Variants in SGCD observed in about 807,000 individuals in gnomAD.
SGCD encodes sarcoglycan delta, also known as delta-sarcoglycan.
A neutral mutation model predicts 36.6 loss-of-function variants in SGCD; 18 were observed. The observed-to-expected ratio is 0.49, with a 90% CI of 0.34 to 0.73. The LOEUF (loss-of-function observed/expected upper bound fraction) is 0.73. SGCD is among the 30% of genes least tolerant of loss of function. The pLI is 0.01. For missense variants in SGCD, 387 were observed against 346.7 expected (o/e 1.12, Z -0.92); for synonymous variants, 133 against 130.6 (o/e 1.02, Z -0.12).
chr5:155,822,644 C>T, the SGCD span, among the ~76,000 whole-genome samples: 1 of 152,200 alleles, frequency 6.6e-6, no homozygotes, highest in Non-Finnish European at 1.5e-5. Context: ...TTCTTCTTAA[C>T]TGCAGAGTTG....
At chr5:155,778,368 C>T in the SGCD span, among the ~76,000 whole-genome samples, 1 of 152,154 alleles carries the variant, frequency 6.6e-6, no homozygotes, top group Non-Finnish European at 1.5e-5. Flanking sequence ...ATATCGACTG[C>T]ATTACCACAA....
chr5:156,609,119 G>T (rs2113451351), intron 6 of SGCD, among the ~76,000 whole-genome samples: 1 of 152,084 alleles, frequency 6.6e-6, no homozygotes, highest in East Asian at 1.9e-4. Flanking sequence ...CTCATTAGTT[G>T]ATGCAGTTTC....
At chr5:156,605,861 C>G (rs1037804042) in intron 6 of SGCD, among the ~76,000 whole-genome samples, 3 of 152,188 alleles carry the variant, frequency 2.0e-5, no homozygotes, top group Non-Finnish European at 2.9e-5. Context: ...TGAGAAGTGT[C>G]TGTTCATATC....
At chr5:156,360,444 C>T (rs1457791597) in intron 3 of SGCD, among the ~76,000 whole-genome samples, 1 of 152,044 alleles carries the variant, frequency 6.6e-6, no homozygotes, top group African/African-American at 2.4e-5. Flanking sequence ...GATGGGGTTT[C>T]ACCATGTTGG....
chr5:155,828,840 C>T, the SGCD span, among the ~76,000 whole-genome samples: 3 of 152,046 alleles, frequency 2.0e-5, no homozygotes, highest in East Asian at 3.9e-4. Context: ...GCATGTGCCA[C>T]CATGCCCAGC....
rs182500459 is a variant in SGCD at position 156,094,540 on chromosome 5, C to T, written c.-281-23338C>T. On this transcript the variant is annotated intron_variant, in intron 1 of 9. Coordinates refer to the SGCD transcript ENST00000517913. ...ATTTTAGCTGGATTAGGGTCCAATA[C>T]TGGGTACTTTCTTTCAGAAGCCAAA... Among the ~76,000 whole-genome samples, 287 of 152,290 alleles carry T rather than the reference C, an allele frequency of 1.9e-3. 2 individuals are homozygous for T. Among genetic ancestry groups the T allele is most frequent in the African/African-American group, 6.6e-3 (273 of 41,568 alleles).
chr5:156,456,796 A>AT (rs1479560395), intron 3 of SGCD, among the ~76,000 whole-genome samples: 5 of 152,150 alleles, frequency 3.3e-5, no homozygotes, highest in African/African-American at 1.2e-4. Flanking sequence ...AGTTGTAGGT[A>AT]TTTTGTTACA....
chr5:156,322,214 C>T (rs940296306), upstream of SGCD, among the ~76,000 whole-genome samples: 2 of 152,216 alleles, frequency 1.3e-5, no homozygotes, highest in African/African-American at 4.8e-5. Context: ...AGATTGTTTA[C>T]ATCTTATGAG....
chr5:156,155,799 G>A (rs1381679604), intron 3 of SGCD, among the ~76,000 whole-genome samples: 1 of 151,552 alleles, frequency 6.6e-6, no homozygotes, highest in African/African-American at 2.4e-5. Context: ...TGGGAGAGTT[G>A]AGGTGTCAGT....
chr5:155,955,895 A>G (rs892295380), intron 1 of SGCD, among the ~76,000 whole-genome samples: 4 of 152,110 alleles, frequency 2.6e-5, no homozygotes, highest in South Asian at 2.1e-4. Context: ...CTACCCTCAA[A>G]CAGCTTACTG....
chr5:155,957,706 A>G (rs1467149931), intron 1 of SGCD, among the ~76,000 whole-genome samples: 3 of 152,098 alleles, frequency 2.0e-5, no homozygotes, highest in Non-Finnish European at 4.4e-5. Flanking sequence ...TTGTGATTAC[A>G]TTGGGCCCAT....
chr5:156,669,657 T>C (rs1232760597), intron 7 of SGCD, among the ~76,000 whole-genome samples: 2 of 152,210 alleles, frequency 1.3e-5, no homozygotes, highest in Non-Finnish European at 2.9e-5. Context: ...TGTGACTTCA[T>C]TGAGCTTTAA....
chr5:156,061,328 A>G lies in SGCD; in HGVS notation c.-281-56550A>G, dbSNP rs1050829965. Among the ~76,000 whole-genome samples, 11 of 146,338 alleles carry G rather than the reference A, an allele frequency of 7.5e-5. 1 individual carries two copies. The highest frequency in any genetic ancestry group is 3.6e-3 in the Middle Eastern group (1 of 278). On this transcript the variant is annotated intron_variant, in intron 1 of 9. Transcript: ENST00000517913. ...GGATCAAAACAAAACAGAGCTAGAC[A>G]AAAGAAACAGAGACAGGGAGTTAAT...
intron 3 of SGCD, among the ~76,000 whole-genome samples, chr5:156,140,825 A>G (rs773619552): frequency 6.6e-6 from 1 of 152,226 alleles, no homozygotes; most frequent in African/African-American, 2.4e-5. Flanking sequence ...ATTAGTATGG[A>G]TAGAAGTTAG....
At chr5:155,841,128 C>T in the SGCD span, among the ~76,000 whole-genome samples, 1 of 151,360 alleles carries the variant, frequency 6.6e-6, no homozygotes, top group Non-Finnish European at 1.5e-5. Flanking sequence ...CGAGGGAAAA[C>T]TTCCCCTTTG....
intron 6 of SGCD, among the ~76,000 whole-genome samples, chr5:156,628,971 T>C: frequency 6.6e-6 from 1 of 152,224 alleles, no homozygotes; most frequent in Non-Finnish European, 1.5e-5. Flanking sequence ...GGAAATTAAA[T>C]AAGACAACCC....
chr5:156,496,762 A>G (rs1330980689), intron 3 of SGCD, among the ~76,000 whole-genome samples: 1 of 152,178 alleles, frequency 6.6e-6, no homozygotes, highest in African/African-American at 2.4e-5. Flanking sequence ...GTAGGGAAAT[A>G]TAGTCCTACA....
intron 7 of SGCD, among the ~76,000 whole-genome samples, chr5:156,678,660 T>C (rs1753605434): frequency 6.6e-6 from 1 of 152,216 alleles, no homozygotes; most frequent in African/African-American, 2.4e-5. Context: ...TCATTGTTTG[T>C]CTGAAGGAAG....
chr5:156,764,070 G>A lies in SGCD; in HGVS notation c.*4680G>A, dbSNP rs1488936615. On this transcript the variant is annotated 3_prime_UTR_variant, in exon 9 of 9. Coordinates refer to ENST00000337851, the MANE Select transcript of SGCD (RefSeq NM_000337.6). Reference sequence around the variant, plus strand: ...CTTCCCCCTGTCCCAAGAAATCTTAGGCATGAAAAGGATAAGGAAACAGCT... The same window carrying A: ...CTTCCCCCTGTCCCAAGAAATCTTAAGCATGAAAAGGATAAGGAAACAGCT... The A allele has an allele frequency of 6.6e-6, 1 of 152,080 alleles. No homozygotes were observed. The highest frequency in any genetic ancestry group is 1.5e-5 in the Non-Finnish European group (1 of 68,016). 9.4% of individuals were successfully genotyped at this position (152,080 alleles called of 1,614,324 possible). A position where few individuals can be genotyped will look rare whatever the true frequency, so the allele number is the denominator to read the frequency against.
Sources: allele counts gnomAD v4.1 joint callset (sites outside exome capture counted in the v4.1 genomes callset), GRCh38; gene constraint gnomAD v4.1.1; transcripts MANE v1.5; gene names NCBI Gene and HGNC (gene_info 2026-07-23, HGNC 2026-07-21).